The following SERINC4 variants were observed in gnomAD, a reference collection of about 807,000 sequenced individuals.
SERINC4 encodes the protein serine incorporator 4.
A neutral mutation model predicts 52.0 loss-of-function variants in SERINC4; 52 were observed. That is an observed-to-expected ratio of 1.00 (90% CI 0.80 to 1.26). The LOEUF (loss-of-function observed/expected upper bound fraction) is 1.26. SERINC4 is among the 50% of genes most tolerant of loss of function. The pLI, the probability that SERINC4 is intolerant of heterozygous loss-of-function variation, is 0.00. For synonymous variants in SERINC4, 264 were observed against 247.7 expected, an observed-to-expected ratio of 1.07 and a Z score of -0.62; for missense variants, 723 against 632.8, an observed-to-expected ratio of 1.14 and a Z score of -1.53.
chr15:43,796,562 T>G (rs1242165311), intron 8 of SERINC4, 54 bp downstream of exon 8: 1 of 1,596,554 alleles, frequency 6.3e-7, no homozygotes, highest in Non-Finnish European at 8.6e-7. Context: ...TGACCATCCT[T>G]CCCTGTCTTG....
At position 43,798,406 on chromosome 15, in the gene SERINC4, AGT is replaced by A; in HGVS notation, c.538+17_538+18del. ...GAAAACTTAGCCTACTCCTGCCAAG[AGT>A]GTGGGAGGGAGAGTACCTGGGAAGA... On this transcript the variant is annotated intron_variant, in intron 4 of 11. Transcript: ENST00000319327. 1 of 1,581,830 alleles carries A rather than the reference AGT, an allele frequency of 6.3e-7. No individual in the cohort carries two copies. The highest frequency in any genetic ancestry group is 8.7e-7 in the Non-Finnish European group (1 of 1,150,632).
chr15:43,796,580 T>C (rs199874825), intron 8 of SERINC4, 36 bp downstream of exon 8: 31 of 1,611,486 alleles, frequency 1.9e-5, no homozygotes, highest in Middle Eastern at 3.4e-4. Flanking sequence ...TTGGGCACCC[T>C]CCTTTCATAC....
intron 1 of SERINC4, 43 bp downstream of exon 1, chr15:43,799,842 T>C: frequency 7.1e-7 from 1 of 1,416,338 alleles, no homozygotes; most frequent in Non-Finnish European, 9.7e-7. Context: ...TCTGCACGTC[T>C]TCCTCCCCAG....
chr15:43,799,830 CT>C (rs2087284705), intron 1 of SERINC4, 54 bp downstream of exon 1: 16 of 1,330,196 alleles, frequency 1.2e-5, no homozygotes, highest in Non-Finnish European at 1.7e-5. Context: ...TTTTTATTGG[CT>C]TCTGCACGTC....
At position 43,795,076 on chromosome 15, in the gene SERINC4, T is replaced by A. The variant is rs375421621; in HGVS notation, c.1481A>T (p.Gln494Leu). ...CCTCAAGATAAGGGGCTGGGGTTTC[T>A]GGGTGGGGGGCCAACAGAGTGGTGC... ...LLAPLCWPPTQKPQPLILRRR... is the reference protein window; with the variant it reads ...LLAPLCWPPTLKPQPLILRRR... The change falls in exon 12 of 12, where the codon CAG (glutamine) becomes CTG (leucine). Residue 494 changes from glutamine to leucine, a missense_variant. Transcript: ENST00000319327. The A allele has an allele frequency of 5.0e-5, 79 of 1,587,304 alleles. No individual in the cohort carries two copies. Among genetic ancestry groups the A allele is most frequent in the Admixed American group, 1.0e-4 (6 of 59,906 alleles).
chr15:43,795,732 G>A lies in SERINC4; in HGVS notation c.1145C>T (p.Pro382Leu). ...VKVYSYEFQK[P>L]SLCFCCPETV... ...TTCAGGGCAGCAGAAACACAGTGAGGGCTTCTGCAAAACAGAACGCAGGTT... is the reference window on the plus strand; with the variant it reads ...TTCAGGGCAGCAGAAACACAGTGAGAGCTTCTGCAAAACAGAACGCAGGTT... The change falls in exon 10 of 12, where the codon CCC becomes CTC. Residue 382 changes from proline to leucine, a missense_variant. Transcript: ENST00000319327. 3 of 1,613,834 alleles carry A rather than the reference G, an allele frequency of 1.9e-6. No homozygotes were observed. The highest frequency in any genetic ancestry group is 2.2e-5 in the South Asian group (2 of 91,058).
Position 43,795,437 on chromosome 15 carries a change from A to C in SERINC4, c.1294T>G (p.Phe432Val), listed in dbSNP as rs142695112. 588 of 1,614,232 alleles carry C rather than the reference A, an allele frequency of 3.6e-4. No homozygotes were observed. Among genetic ancestry groups the C allele is most frequent in the South Asian group, 2.9e-3 (266 of 91,084 alleles). Reference protein sequence around the residue: ...SYNYSAFHFVFFLASLYVMVT... With the variant: ...SYNYSAFHFVVFLASLYVMVT... ...ATGACATAGAGTGAGGCAAGGAAGA[A>C]GACGAAGTGGAAGGCAGAATAGTTG... Residue 432 changes from phenylalanine to valine, a missense_variant, in exon 11 of 12, where the codon TTC (phenylalanine) becomes GTC (valine). By Grantham distance (50) the Phe-to-Val change is conservative. Transcript: ENST00000319327.
rs1567172293 is a variant in SERINC4 at position 43,798,509 on chromosome 15, T to C, written c.459-5A>G. ...AGCAGCTTGAGGAGCCAGAAGCTGG[T>C]TAGGAGGGAGAAAGAAAAACAGACT... On this transcript the variant is annotated splice_region_variant and splice_polypyrimidine_tract_variant and intron_variant, in intron 3 of 11. Coordinates refer to ENST00000319327, the MANE Select transcript of SERINC4 (RefSeq NM_001258031.2). 6.2e-7 allele frequency: 1 copy of C among 1,608,988 alleles called. No homozygotes were observed. The highest frequency in any genetic ancestry group is 2.2e-5 in the East Asian group (1 of 44,848).
At position 43,795,025 on chromosome 15, in the gene SERINC4, G is replaced by A. The variant is rs2087170840; in HGVS notation, c.1532C>T (p.Pro511Leu). ...LRRRRHRIIS[P>L]DNKYPPV ...TTAGACTGGAGGATATTTGTTATCT[G>A]GGGATATGATGCGGTGGCGGCGGCG... Residue 511 changes from proline to leucine, a missense_variant, in exon 12 of 12, where the codon CCA becomes CTA. Transcript: ENST00000319327. The A allele has an allele frequency of 2.5e-6, 4 of 1,611,812 alleles. No individual in the cohort carries two copies. In the African/African-American group the frequency reaches 5.3e-5, roughly 22 times the overall value.
chr15:43,796,065 T>C (rs1332565264), intron 9 of SERINC4, 90 bp downstream of exon 9: 1 of 950,010 alleles, frequency 1.1e-6, no homozygotes. Context: ...AGCTATAATC[T>C]GAGCATTCTG....
chr15:43,796,824 A>C (rs776430494), intron 7 of SERINC4, 21 bp downstream of exon 7: 1 of 1,613,410 alleles, frequency 6.2e-7, no homozygotes, highest in African/African-American at 1.3e-5. Context: ...TAGCATGGAG[A>C]ATCCAGGTCC....
chr15:43,797,883 T>G (rs2087244699), intron 5 of SERINC4, 37 bp downstream of exon 5: 1 of 1,486,222 alleles, frequency 6.7e-7, no homozygotes, highest in East Asian at 2.3e-5. Context: ...ACTAGAAACC[T>G]CCCCAGGAAA....
In SERINC4 at chr15:43,796,934, G is replaced by T; in HGVS notation, c.851C>A (p.Pro284His). Residue 284 changes from proline to histidine, a missense_variant, in exon 7 of 12, where the codon CCC becomes CAC. By Grantham distance (77) the Pro-to-His change is moderately conservative. Transcript: ENST00000319327. ...SIAPCIRLKQ[P>H]RSGLLQASVI... ...AGAAGCTTGTAGGAGGCCAGAGCGG[G>T]GTTGCTCTGGGGAGTAAGTATAATT... 6.2e-7 allele frequency: 1 copy of T among 1,612,894 alleles called. No individual in the cohort carries two copies. The highest frequency in any genetic ancestry group is 8.5e-7 in the Non-Finnish European group (1 of 1,178,948).
chr15:43,795,302 C>CATGTCTGGA, intron 11 of SERINC4, 86 bp downstream of exon 11: 3 of 1,590,384 alleles, frequency 1.9e-6, no homozygotes, highest in Non-Finnish European at 2.6e-6. Context: ...ATGGCAGACC[C>CATGTCTGGA]ATGTGTGTCT....
chr15:43,797,821 G>GA (rs1424986014), intron 5 of SERINC4, 99 bp downstream of exon 5: 2 of 800,482 alleles, frequency 2.5e-6, no homozygotes, highest in African/African-American at 3.4e-5. Flanking sequence ...GTGGGAAGCT[G>GA]TGGGACCAGT....
rs918769226 is a variant in SERINC4, at chr15:43,799,636, T to C, written c.103-150A>G. Reference sequence around the variant, plus strand: ...TTACTCAGGTTCTGTTTCAAGCTGATTCCAGCCATTTGGGATTGCCGCCCA... The same window carrying C: ...TTACTCAGGTTCTGTTTCAAGCTGACTCCAGCCATTTGGGATTGCCGCCCA... On this transcript the variant is annotated intron_variant, in intron 1 of 11. Coordinates refer to ENST00000319327, the MANE Select transcript of SERINC4 (RefSeq NM_001258031.2). 25 of 1,064,532 alleles carry C rather than the reference T, an allele frequency of 2.3e-5. No homozygotes were observed. In the Middle Eastern group the frequency reaches 2.0e-3, roughly 85 times the overall value. The allele number at this position is 1,064,532 out of a possible 1,614,324, so 65.9% of individuals were successfully genotyped here.
intron 4 of SERINC4, 68 bp downstream of exon 4, chr15:43,798,357 T>C: frequency 8.1e-7 from 1 of 1,241,838 alleles, no homozygotes; most frequent in South Asian, 1.2e-5. Context: ...CCATTACTCC[T>C]CTTCTTACCC....
At position 43,795,093 on chromosome 15, in the gene SERINC4, G is replaced by T; in HGVS notation, c.1464C>A (p.Leu488=). The change falls in exon 12 of 12, where the codon CTC becomes CTA. Residue 488 remains leucine (L), a synonymous_variant. Coordinates refer to ENST00000319327, the MANE Select transcript of SERINC4 (RefSeq NM_001258031.2). ...GGGGTTTCTGGGTGGGGGGCCAACA[G>T]AGTGGTGCCAGTAACAGCCCCAGAT... ...LLYLGLLLAP[L]CWPPTQKPQP... The T allele has an allele frequency of 6.2e-7, 1 of 1,613,918 alleles. No homozygotes were observed. Among genetic ancestry groups the T allele is most frequent in the African/African-American group, 1.3e-5 (1 of 75,034 alleles).
In SERINC4 at chr15:43,796,147, A is replaced by G; in HGVS notation, c.1140+8T>C. The G allele has an allele frequency of 6.2e-7, 1 of 1,608,020 alleles. No individual in the cohort carries two copies. Among genetic ancestry groups the G allele is most frequent in the Non-Finnish European group, 8.5e-7 (1 of 1,174,492 alleles). On this transcript the variant is annotated splice_region_variant and intron_variant, in intron 9 of 11. Transcript: ENST00000319327. ...GGGTGTTGGGGATATGGAGCTCTTT[A>G]TCCTCACCTGAAACTCATAGCTGTA...
Sources: gnomAD v4.1 joint callset for allele counts on GRCh38, gnomAD v4.1.1 for gene constraint, MANE v1.5 for transcripts, NCBI Gene and HGNC (gene_info 2026-07-23, HGNC 2026-07-21) for gene names.